Variants in CREB5 observed in about 807,000 individuals in gnomAD.
CREB5 encodes cAMP responsive element binding protein 5, also known as cyclic AMP-responsive element-binding protein 5.
CREB5 carries 19 observed loss-of-function variants against 57.1 expected under a neutral mutation model. That is an observed-to-expected ratio of 0.33 (90% CI 0.23 to 0.49). The LOEUF (loss-of-function observed/expected upper bound fraction) is 0.49, where lower values mean the gene tolerates loss of function less well. Ranked by LOEUF, CREB5 falls within the 20% of genes least tolerant of loss-of-function variation. CREB5 has a pLI of 0.99. For synonymous variants in CREB5, 238 were observed against 238.3 expected (o/e 1.00, Z 0.01); for missense variants, 579 against 671.6 (o/e 0.86, Z 1.52).
intron 1 of CREB5, 81 bp downstream of exon 1, chr7:28,412,998 T>C (rs1281374692): frequency 9.6e-6 from 12 of 1,246,862 alleles, no homozygotes; most frequent in African/African-American, 1.5e-5. Context: ...TGTATTTTCA[T>C]AGATGGAATT....
At chr7:28,718,688 G>A (rs1802841775) in intron 5 of CREB5, 65 bp from the exon 6 acceptor site, 1 of 1,596,980 alleles carries the variant, frequency 6.3e-7, no homozygotes, top group Non-Finnish European at 8.5e-7. Context: ...CTGCTGTTCT[G>A]GACACTGGGG....
chr7:28,616,103 TTC>T (rs1435323358), intron 5 of CREB5, among the ~76,000 whole-genome samples: 1 of 152,202 alleles, frequency 6.6e-6, no homozygotes, highest in Non-Finnish European at 1.5e-5. Flanking sequence ...TTTAATAAGT[TTC>T]TCTGTTTCTT....
chr7:28,520,904 C>A (rs960203154), intron 4 of CREB5, among the ~76,000 whole-genome samples: 9 of 152,194 alleles, frequency 5.9e-5, no homozygotes, highest in Non-Finnish European at 8.8e-5. Flanking sequence ...TTTAAGAAAG[C>A]CTATTAGAAC....
chr7:28,317,073 C>G (rs1489862254), intron 1 of CREB5, among the ~76,000 whole-genome samples: 1 of 150,854 alleles, frequency 6.6e-6, no homozygotes, highest in Non-Finnish European at 1.5e-5. Context: ...CACATAGGTA[C>G]TTGGCAGAAA....
Position 28,627,796 on chromosome 7 carries a change from G to T in CREB5, c.464+57259G>T, listed in dbSNP as rs190636763. 3.3e-5 allele frequency among the ~76,000 whole-genome samples: 5 copies of T among 152,072 alleles called. No individual in the cohort carries two copies. The East Asian group carries it at 9.7e-4, about 29-fold the overall frequency. Reference sequence around the variant, plus strand: ...TCTTCAGCCTTAGACAAACCTCAGGGCATTCATTAGAAATTATTTTCATGA... The same window carrying T: ...TCTTCAGCCTTAGACAAACCTCAGGTCATTCATTAGAAATTATTTTCATGA... On this transcript the variant is annotated intron_variant, in intron 5 of 10. Coordinates refer to ENST00000357727, the MANE Select transcript of CREB5 (RefSeq NM_182898.4).
chr7:28,312,234 G>T (rs1404954999), intron 1 of CREB5, among the ~76,000 whole-genome samples: 1 of 151,966 alleles, frequency 6.6e-6, no homozygotes, highest in African/African-American at 2.4e-5. Context: ...TGCCTAGTTG[G>T]CTTACAAGGG....
At position 28,407,396 on chromosome 7, in the gene CREB5, C is replaced by T. The variant is rs529854972; in HGVS notation, c.-24-87510C>T. Among the ~76,000 whole-genome samples, 359 of 152,256 alleles carry T rather than the reference C, an allele frequency of 2.4e-3. 2 individuals carry two copies. Among genetic ancestry groups the T allele is most frequent in the Middle Eastern group, 6.8e-3 (2 of 294 alleles). On this transcript the variant is annotated intron_variant, in intron 1 of 9. Coordinates refer to the CREB5 transcript ENST00000396299. ...AAGTAATAAAATTCTTAACTCGAGTCGCTGTAGTTATCATCACCATCCTCA... is the reference window on the plus strand; with the variant it reads ...AAGTAATAAAATTCTTAACTCGAGTTGCTGTAGTTATCATCACCATCCTCA...
chr7:28,686,986 T>C (rs1439433059), intron 5 of CREB5, among the ~76,000 whole-genome samples: 1 of 151,522 alleles, frequency 6.6e-6, no homozygotes, highest in African/African-American at 2.4e-5. Flanking sequence ...GGTTGGGGGG[T>C]TGGGGGGGCG....
At chr7:28,591,658 G>A (rs558790743) in intron 5 of CREB5, among the ~76,000 whole-genome samples, 1 of 152,254 alleles carries the variant, frequency 6.6e-6, no homozygotes, top group South Asian at 2.1e-4. Context: ...CTGGTTGTTA[G>A]TGCTATCAGA....
intron 5 of CREB5, among the ~76,000 whole-genome samples, chr7:28,659,023 G>T (rs987522602): frequency 3.9e-5 from 5 of 128,298 alleles, no homozygotes; most frequent in Non-Finnish European, 8.4e-5. Flanking sequence ...CATGTTGAGG[G>T]ATTTCCAAAA....
chr7:28,805,676 G>C (rs11983259), intron 8 of CREB5, among the ~76,000 whole-genome samples: 2,597 of 152,218 alleles, frequency 0.017, 44 homozygotes, highest in South Asian at 0.065. Flanking sequence ...GGTTCTTAGA[G>C]GTGTTCTACA....
upstream of CREB5, among the ~76,000 whole-genome samples, chr7:28,411,943 T>G (rs915297683): frequency 1.4e-5 from 2 of 146,098 alleles, no homozygotes; most frequent in African/African-American, 2.8e-5. Context: ...TTGTGATGCA[T>G]AGACTTAAAG....
chr7:28,411,434 AAAGAGGAAGTCG>A (rs1306781127), upstream of CREB5, among the ~76,000 whole-genome samples: 4 of 152,038 alleles, frequency 2.6e-5, no homozygotes, highest in Non-Finnish European at 5.9e-5. Flanking sequence ...TTCTATGTTG[AAAGAGGAAGTCG>A]AATACGTAAG....
intron 9 of CREB5, among the ~76,000 whole-genome samples, chr7:28,817,644 T>C (rs188620229): frequency 9.8e-5 from 15 of 152,318 alleles, no homozygotes; most frequent in Admixed American, 5.9e-4. Context: ...TGGGTATTGT[T>C]CTGTTTCCCA....
chr7:28,628,952 A>G (rs535034205), intron 5 of CREB5, among the ~76,000 whole-genome samples: 2 of 152,120 alleles, frequency 1.3e-5, no homozygotes, highest in Non-Finnish European at 2.9e-5. Flanking sequence ...CCAAACTTCC[A>G]ATGCCCCTTC....
chr7:28,532,426 G>A (rs994292660), intron 4 of CREB5, among the ~76,000 whole-genome samples: 1 of 152,176 alleles, frequency 6.6e-6, no homozygotes, highest in Admixed American at 6.5e-5. Flanking sequence ...TTGTTATGCA[G>A]CAGCTGCATT....
intron 1 of CREB5, among the ~76,000 whole-genome samples, chr7:28,400,223 A>T (rs1189002332): frequency 1.3e-5 from 2 of 152,138 alleles, no homozygotes; most frequent in Non-Finnish European, 2.9e-5. Flanking sequence ...TAGGTTTGAA[A>T]CTCAACTTCC....
At chr7:28,596,787 ATTAG>A (rs990878649) in intron 5 of CREB5, among the ~76,000 whole-genome samples, 1 of 152,230 alleles carries the variant, frequency 6.6e-6, no homozygotes, top group Non-Finnish European at 1.5e-5. Flanking sequence ...ACATATGTAA[ATTAG>A]TTAGCCTTGT....
At chr7:28,439,171 C>T (rs1001904153) in intron 1 of CREB5, among the ~76,000 whole-genome samples, 6 of 152,124 alleles carry the variant, frequency 3.9e-5, no homozygotes, top group African/African-American at 7.2e-5. Context: ...TCCTCTGTAT[C>T]GTAAGCTCTA....
Sources: gnomAD v4.1 joint callset for allele counts (sites outside exome capture counted in the v4.1 genomes callset) on GRCh38, gnomAD v4.1.1 for gene constraint, MANE v1.5 for transcripts, NCBI Gene and HGNC (gene_info 2026-07-23, HGNC 2026-07-21) for gene names.